The following CDKN2B-AS1 variants were observed in gnomAD, a reference collection of about 807,000 sequenced individuals.
CDKN2B-AS1 encodes CDKN2B antisense RNA 1 (non-protein coding).
At chr9:22,109,367 A>G (rs543272399) in intron 4 of CDKN2B-AS1, among the ~76,000 whole-genome samples, 34 of 152,252 alleles carry the variant, frequency 2.2e-4, no homozygotes, top group African/African-American at 7.9e-4. Flanking sequence ...TTGTTGGTCT[A>G]TTTTTTCTTT....
At chr9:22,010,945 G>C (rs1821468850) in intron 1 of CDKN2B-AS1, among the ~76,000 whole-genome samples, 1 of 152,168 alleles carries the variant, frequency 6.6e-6, no homozygotes, top group Non-Finnish European at 1.5e-5. Flanking sequence ...TTTCTTTGAG[G>C]GGGACATAAA....
At chr9:22,009,064 G>C in intron 1 of CDKN2B-AS1, 4 of 1,522,764 alleles carry the variant, frequency 2.6e-6, no homozygotes, top group African/African-American at 1.4e-5. Context: ...TCCTTCCTAG[G>C]AGACCTGGGC....
At chr9:22,056,212 G>GTGTATATATATA (rs1285848864) in intron 3 of CDKN2B-AS1, 21 of 124,126 alleles carry the variant, frequency 1.7e-4, no homozygotes, top group Middle Eastern at 9.1e-3. Context: ...ATGTGTGTGT[G>GTGTATATATATA]TATATATATA....
In CDKN2B-AS1 at chr9:22,000,145, T is replaced by C. The variant is rs563993894; in HGVS notation, n.29+4984T>C. Among the ~76,000 whole-genome samples, 378 of 152,300 alleles carry C rather than the reference T, an allele frequency of 2.5e-3. No homozygotes were observed. The highest frequency in any genetic ancestry group is 7.9e-3 in the African/African-American group (329 of 41,572). On this transcript the variant is annotated intron_variant and non_coding_transcript_variant, in intron 1 of 4. Coordinates refer to ENST00000650946, the Ensembl canonical transcript of CDKN2B-AS1. This position sits in a 1 kb window ranked among gnomAD's most constrained non-coding sequence, Gnocchi z 4.1. ...GATTCTAATTTTGTAGACCTGGAGC[T>C]GATCAACAAGTCTAAATGTTAAAAC...
intron 4 of CDKN2B-AS1, among the ~76,000 whole-genome samples, chr9:22,092,069 G>A (rs868384776): frequency 6.6e-6 from 1 of 152,038 alleles, no homozygotes; most frequent in Non-Finnish European, 1.5e-5. Context: ...TTCTGCATCC[G>A]TTGAGATTAT....
chr9:22,102,736 G>C (rs1478687588), intron 4 of CDKN2B-AS1, among the ~76,000 whole-genome samples: 1 of 152,172 alleles, frequency 6.6e-6, no homozygotes, highest in Non-Finnish European at 1.5e-5. Context: ...TTAGAGTTAA[G>C]ATTTTCTTTT....
chr9:22,082,665 A>G (rs1045103392), intron 4 of CDKN2B-AS1, among the ~76,000 whole-genome samples: 1 of 152,196 alleles, frequency 6.6e-6, no homozygotes, highest in African/African-American at 2.4e-5. Context: ...TTTAAGGAGG[A>G]GCATATAATT....
intron 4 of CDKN2B-AS1, among the ~76,000 whole-genome samples, chr9:22,102,486 G>C (rs1825518800): frequency 6.6e-6 from 1 of 152,170 alleles, no homozygotes; most frequent in Non-Finnish European, 1.5e-5. Context: ...AGCCTCTGCT[G>C]GTAGGGCCAT....
At chr9:22,089,726 A>G (rs542231009) in intron 4 of CDKN2B-AS1, among the ~76,000 whole-genome samples, 2 of 152,196 alleles carry the variant, frequency 1.3e-5, no homozygotes, top group East Asian at 3.9e-4. Context: ...CTGGAGTTAT[A>G]GGCATGAGCT....
chr9:22,019,600 T>C (rs999647558), intron 1 of CDKN2B-AS1, among the ~76,000 whole-genome samples: 12 of 152,098 alleles, frequency 7.9e-5, no homozygotes, highest in Non-Finnish European at 1.6e-4. Context: ...AAAACTGAAC[T>C]TGAGACATGG....
intron 1 of CDKN2B-AS1, among the ~76,000 whole-genome samples, chr9:22,016,892 T>C (rs10965211): frequency 6.6e-6 from 1 of 152,236 alleles, no homozygotes; most frequent in African/African-American, 2.4e-5. Flanking sequence ...AATTGCTATG[T>C]TTTAACCCAT....
At chr9:22,047,943 A>G (rs1315267321) in intron 2 of CDKN2B-AS1, among the ~76,000 whole-genome samples, 1 of 142,440 alleles carries the variant, frequency 7.0e-6, no homozygotes, top group Non-Finnish European at 1.5e-5. Flanking sequence ...GTGCACTCCC[A>G]TGTGCGGCTA....
chr9:22,098,708 C>T (rs1437010872), intron 4 of CDKN2B-AS1, among the ~76,000 whole-genome samples: 1 of 152,162 alleles, frequency 6.6e-6, no homozygotes, highest in Non-Finnish European at 1.5e-5. Context: ...GATGAGGAAA[C>T]CAAGTCTTAG....
intron 1 of CDKN2B-AS1, chr9:22,008,596 G>A (rs1821310472): frequency 6.8e-7 from 1 of 1,473,816 alleles, no homozygotes; most frequent in Non-Finnish European, 9.2e-7. Flanking sequence ...ACTAAAAAAA[G>A]CTTAAACAGT....
At chr9:22,024,213 G>A (rs74680853) in intron 1 of CDKN2B-AS1, among the ~76,000 whole-genome samples, 1,668 of 152,248 alleles carry the variant, frequency 0.011, 18 homozygotes, top group African/African-American at 0.028. Flanking sequence ...GGGGGCCATC[G>A]TTCACCTCCC....
chr9:22,012,704 G>C (rs1821566389), intron 1 of CDKN2B-AS1, among the ~76,000 whole-genome samples: 1 of 152,076 alleles, frequency 6.6e-6, no homozygotes, highest in South Asian at 2.1e-4. Context: ...GCACACTTTT[G>C]CATATGATTA....
At chr9:22,020,424 C>A (rs1821967003) in intron 1 of CDKN2B-AS1, among the ~76,000 whole-genome samples, 1 of 152,134 alleles carries the variant, frequency 6.6e-6, no homozygotes, top group African/African-American at 2.4e-5. Context: ...AATGGTATTT[C>A]TGTCTTTAGG....
At chr9:22,104,608 T>A (rs566918545) in intron 4 of CDKN2B-AS1, among the ~76,000 whole-genome samples, 1 of 152,312 alleles carries the variant, frequency 6.6e-6, no homozygotes, top group South Asian at 2.1e-4. Context: ...GTATAAGAAG[T>A]TAAAGGGAAG....
chr9:22,116,659 C>G (rs1387379401), intron 4 of CDKN2B-AS1, among the ~76,000 whole-genome samples: 1 of 151,934 alleles, frequency 6.6e-6, no homozygotes, highest in Non-Finnish European at 1.5e-5. Context: ...ACAACTTGGC[C>G]CATTGGAGGG....
Sources: allele counts gnomAD v4.1 joint callset (sites outside exome capture counted in the v4.1 genomes callset), GRCh38; gene constraint gnomAD v4.1.1; non-coding constraint Gnocchi (gnomAD v3.1); transcripts MANE v1.5; gene names NCBI Gene and HGNC (gene_info 2026-07-23, HGNC 2026-07-21).